PTPRD: variants seen among roughly 807,000 people sequenced by gnomAD.
The protein encoded by PTPRD is receptor-type tyrosine-protein phosphatase delta.
A neutral mutation model predicts 214.5 loss-of-function variants in PTPRD; 34 were observed. That is an observed-to-expected ratio of 0.16 (90% CI 0.12 to 0.21). The LOEUF (loss-of-function observed/expected upper bound fraction) is 0.21. Among genes scored for constraint, PTPRD ranks in the 10% least tolerant of loss-of-function variants. The probability of loss-of-function intolerance (pLI) is 1.00; values close to 1 mark genes in which losing one functional copy is unlikely to be tolerated. For missense variants in PTPRD, 2,545 were observed against 2,398.7 expected (o/e 1.06, Z -1.27); for synonymous variants, 1,128 against 845.7 (o/e 1.33, Z -5.79).
intron 3 of PTPRD, among the ~76,000 whole-genome samples, chr9:10,271,408 A>G (rs1376701051): frequency 6.6e-6 from 1 of 152,016 alleles, no homozygotes. Flanking sequence ...GACTTCTAAG[A>G]ATCTAATGGT....
intron 25 of PTPRD, among the ~76,000 whole-genome samples, chr9:8,498,248 G>C (rs10758976): frequency 6.6e-6 from 1 of 152,012 alleles, no homozygotes; most frequent in African/African-American, 2.4e-5. Flanking sequence ...GAGGCACAGG[G>C]ATATTTATTG....
At chr9:10,164,025 A>G (rs2099144215) in intron 3 of PTPRD, among the ~76,000 whole-genome samples, 1 of 151,520 alleles carries the variant, frequency 6.6e-6, no homozygotes. Flanking sequence ...ATTCAAAAAG[A>G]TCACTTGGCC....
intron 44 of PTPRD, among the ~76,000 whole-genome samples, chr9:8,329,197 C>T (rs1256007869): frequency 6.6e-6 from 1 of 152,056 alleles, no homozygotes; most frequent in Admixed American, 6.5e-5. Context: ...ATGATGGTGA[C>T]CTTCAGATGG....
At chr9:9,146,603 T>C (rs528534939) in intron 10 of PTPRD, among the ~76,000 whole-genome samples, 36 of 152,198 alleles carry the variant, frequency 2.4e-4, no homozygotes, top group African/African-American at 8.7e-4. Flanking sequence ...CGAAGGGACC[T>C]TGGAGATTAT....
At chr9:8,354,013 C>T (rs1227795743) in intron 39 of PTPRD, among the ~76,000 whole-genome samples, 1 of 140,174 alleles carries the variant, frequency 7.1e-6, no homozygotes, top group East Asian at 2.1e-4. Flanking sequence ...GGCTGGAGTG[C>T]AGTGGTGCGA....
intron 10 of PTPRD, among the ~76,000 whole-genome samples, chr9:9,037,267 G>A (rs753557879): frequency 1.3e-4 from 20 of 152,052 alleles, no homozygotes; most frequent in Non-Finnish European, 2.6e-4. Context: ...GAAGCTCAGG[G>A]AGGTTCCCTG....
intron 5 of PTPRD, among the ~76,000 whole-genome samples, chr9:9,873,854 G>A (rs562740512): frequency 2.0e-5 from 3 of 152,230 alleles, no homozygotes; most frequent in South Asian, 4.1e-4. Flanking sequence ...AAAAAGAAAT[G>A]AAGACATGCT....
At chr9:9,541,104 G>C (rs757169301) in intron 8 of PTPRD, among the ~76,000 whole-genome samples, 3 of 151,788 alleles carry the variant, frequency 2.0e-5, no homozygotes, top group Admixed American at 6.6e-5. Flanking sequence ...ATACACGGTA[G>C]ACCTCAAGAA....
At chr9:10,256,399 T>G (rs1255583364) in intron 3 of PTPRD, among the ~76,000 whole-genome samples, 6 of 151,184 alleles carry the variant, frequency 4.0e-5, no homozygotes, top group Non-Finnish European at 7.4e-5. Context: ...TTACAGCTTT[T>G]TTTTTTTTTA....
intron 2 of PTPRD, among the ~76,000 whole-genome samples, chr9:10,564,182 T>TTTTTTTTTTTTTG: frequency 9.1e-6 from 1 of 110,158 alleles, no homozygotes. Context: ...TTTTTTTTTT[T>TTTTTTTTTTTTTG]TTTTTTTTTT....
chr9:9,001,303 C>G (rs2099417315), intron 11 of PTPRD, among the ~76,000 whole-genome samples: 1 of 152,014 alleles, frequency 6.6e-6, no homozygotes, highest in Admixed American at 6.6e-5. Flanking sequence ...TTTGAGCTAT[C>G]TGTGCATTTG....
chr9:9,102,426 C>G (rs1038739008), intron 10 of PTPRD, among the ~76,000 whole-genome samples: 1 of 152,156 alleles, frequency 6.6e-6, no homozygotes, highest in Non-Finnish European at 1.5e-5. Context: ...GGAACTGTGG[C>G]TTCTTCCAAG....
intron 5 of PTPRD, among the ~76,000 whole-genome samples, chr9:9,817,232 T>C (rs1161691660): frequency 6.6e-6 from 1 of 152,196 alleles, no homozygotes; most frequent in East Asian, 1.9e-4. Context: ...CATTGCTAAA[T>C]CTTTTAACAA....
At chr9:10,277,954 C>T (rs577213348) in intron 3 of PTPRD, among the ~76,000 whole-genome samples, 6 of 151,974 alleles carry the variant, frequency 3.9e-5, no homozygotes, top group Non-Finnish European at 5.9e-5. Flanking sequence ...GTCGGGAGAT[C>T]GAGACCATCG....
At position 8,654,322 on chromosome 9, in the gene PTPRD, T is replaced by TC. The variant is rs2096868679; in HGVS notation, c.65-17479dup. 3.9e-5 allele frequency among the ~76,000 whole-genome samples: 6 copies of TC among 152,164 alleles called. No individual in the cohort carries two copies. In the South Asian group the frequency reaches 6.2e-4, roughly 16 times the overall value. On this transcript the variant is annotated intron_variant, in intron 12 of 45. Transcript: ENST00000381196. Reference sequence around the variant, plus strand: ...CACATTTCACCTAGCTTATAAGTGTTCATCTTCTCTCTCTTCTGCTAGACT... The same window carrying TC: ...CACATTTCACCTAGCTTATAAGTGTTCCATCTTCTCTCTCTTCTGCTAGACT...
At chr9:9,682,753 G>C (rs1181244568) in intron 7 of PTPRD, among the ~76,000 whole-genome samples, 1 of 151,706 alleles carries the variant, frequency 6.6e-6, no homozygotes, top group Non-Finnish European at 1.5e-5. Context: ...TCTCCAGCAT[G>C]CAAAATCCTT....
chr9:8,652,437 C>G (rs1288536410), intron 12 of PTPRD, among the ~76,000 whole-genome samples: 1 of 152,210 alleles, frequency 6.6e-6, no homozygotes, highest in Non-Finnish European at 1.5e-5. Context: ...TGGCTGACAG[C>G]TGATGGGCCC....
chr9:10,423,009 T>C (rs57921855), intron 2 of PTPRD, among the ~76,000 whole-genome samples: 6,523 of 152,194 alleles, frequency 0.043, 207 homozygotes, highest in East Asian at 0.094. Flanking sequence ...TGCACACATA[T>C]GTTTATTGTG....
chr9:8,797,226 C>T (rs1362061882), intron 11 of PTPRD: 6 of 152,142 alleles, frequency 3.9e-5, no homozygotes, highest in African/African-American at 1.4e-4. Flanking sequence ...AAAATAAATT[C>T]AAGCTACAAA....
Sources: allele counts gnomAD v4.1 joint callset (sites outside exome capture counted in the v4.1 genomes callset), GRCh38; gene constraint gnomAD v4.1.1; transcripts MANE v1.5; gene names NCBI Gene and HGNC (gene_info 2026-07-23, HGNC 2026-07-21).